The following SMLR1 variants were observed in gnomAD, a reference collection of about 807,000 sequenced individuals.
The protein encoded by SMLR1 is small leucine rich protein 1, also known as small leucine-rich protein 1.
In SMLR1, 3 loss-of-function variants were observed where a neutral mutation model predicts 6.1. That is an observed-to-expected ratio of 0.49 (90% CI 0.22 to 1.28). The LOEUF (loss-of-function observed/expected upper bound fraction) is 1.28. Among genes scored for constraint, SMLR1 ranks in the 50% most tolerant of loss-of-function variants. The probability of loss-of-function intolerance (pLI) is 0.19; values close to 1 mark genes in which losing one functional copy is unlikely to be tolerated. For synonymous variants in SMLR1, 55 were observed against 53.6 expected (o/e 1.03, Z -0.11); for missense variants, 126 against 124.8 (o/e 1.01, Z -0.05).
At position 130,835,767 on chromosome 6, in the gene SMLR1, G is replaced by T. The variant is rs1195876752; in HGVS notation, c.*812G>T. 6.6e-6 allele frequency: 1 copy of T among 152,122 alleles called. No individual in the cohort carries two copies. The highest frequency in any genetic ancestry group is 1.5e-5 in the Non-Finnish European group (1 of 68,018). The allele number at this position is 152,122 out of a possible 1,614,324, so 9.4% of individuals were successfully genotyped here. A position where few individuals can be genotyped will look rare whatever the true frequency, so the allele number is the denominator to read the frequency against. On this transcript the variant is annotated 3_prime_UTR_variant, in exon 2 of 2. Transcript: ENST00000541421. ...ATTTCACTACAGTTCTTTTTCAGTG[G>T]GAGCCCCAAAGAGACAACATAGGTA...
At chr6:130,827,708 G>A in intron 1 of SMLR1, 57 bp downstream of exon 1, 2 of 1,257,928 alleles carry the variant, frequency 1.6e-6, no homozygotes, top group Non-Finnish European at 2.2e-6. Context: ...AGCACATCTT[G>A]AAATATACCG....
chr6:130,836,165 A>C lies in SMLR1; in HGVS notation c.*1210A>C, dbSNP rs927898821. 6.6e-6 allele frequency: 1 copy of C among 152,234 alleles called. No homozygotes were observed. The highest frequency in any genetic ancestry group is 1.5e-5 in the Non-Finnish European group (1 of 68,026). 9.4% of individuals were successfully genotyped at this position (152,234 alleles called of 1,614,324 possible). On this transcript the variant is annotated 3_prime_UTR_variant, in exon 2 of 2. Transcript: ENST00000541421. ...TTTCCATTTGCACTTCTTGCATAAT[A>C]TAAAACTTATTGCTAGAATAAAGAC...
At position 130,835,989 on chromosome 6, in the gene SMLR1, G is replaced by A. The variant is rs551384274; in HGVS notation, c.*1034G>A. ...TAAAACATAATGAATGGGGTCACCT[G>A]TAAGAAATGCACCTGTTTCAGTAGT... On this transcript the variant is annotated 3_prime_UTR_variant, in exon 2 of 2. Transcript: ENST00000541421. The A allele has an allele frequency of 6.6e-6, 1 of 152,152 alleles. No individual in the cohort carries two copies. Among genetic ancestry groups the A allele is most frequent in the Admixed American group, 6.6e-5 (1 of 15,264 alleles). 9.4% of individuals were successfully genotyped at this position (152,152 alleles called of 1,614,324 possible). A position where few individuals can be genotyped will look rare whatever the true frequency, so the allele number is the denominator to read the frequency against.
chr6:130,831,588 G>A (rs964830913), intron 1 of SMLR1, among the ~76,000 whole-genome samples: 1 of 152,102 alleles, frequency 6.6e-6, no homozygotes, highest in South Asian at 2.1e-4. Flanking sequence ...CACTGGACTC[G>A]AAATAAAATA....
intron 1 of SMLR1, among the ~76,000 whole-genome samples, chr6:130,829,978 T>G (rs541579888): frequency 1.3e-4 from 20 of 152,342 alleles, no homozygotes; most frequent in Non-Finnish European, 2.8e-4. Flanking sequence ...TCTCATTCAT[T>G]TATTCAACGA....
intron 1 of SMLR1, among the ~76,000 whole-genome samples, chr6:130,832,138 A>G (rs553803279): frequency 2.6e-5 from 4 of 152,200 alleles, no homozygotes; most frequent in South Asian, 2.1e-4. Context: ...AGTTTTCATT[A>G]TCTTATTTCC....
At chr6:130,831,941 T>A (rs1390113231) in intron 1 of SMLR1, among the ~76,000 whole-genome samples, 3 of 152,154 alleles carry the variant, frequency 2.0e-5, no homozygotes, top group Non-Finnish European at 4.4e-5. Context: ...ATAAATTTAA[T>A]TAGTATGTAG....
At chr6:130,828,711 A>G (rs1165973227) in intron 1 of SMLR1, among the ~76,000 whole-genome samples, 1 of 152,204 alleles carries the variant, frequency 6.6e-6, no homozygotes, top group East Asian at 1.9e-4. Context: ...ATATGCCCCT[A>G]GCCTTTCATT....
intron 1 of SMLR1, among the ~76,000 whole-genome samples, chr6:130,828,294 T>A (rs1206705238): frequency 6.6e-6 from 1 of 152,218 alleles, no homozygotes; most frequent in East Asian, 1.9e-4. Flanking sequence ...GGATTGACAC[T>A]GTTTATTCTG....
At chr6:130,833,739 CA>C (rs1774543370) in intron 1 of SMLR1, among the ~76,000 whole-genome samples, 1 of 152,174 alleles carries the variant, frequency 6.6e-6, no homozygotes, top group Non-Finnish European at 1.5e-5. Flanking sequence ...GCACCTGGCA[CA>C]GAGCAAGTGC....
intron 1 of SMLR1, among the ~76,000 whole-genome samples, chr6:130,830,760 C>G (rs904214282): frequency 2.6e-5 from 4 of 152,142 alleles, no homozygotes; most frequent in African/African-American, 4.8e-5. Flanking sequence ...CCACCAAAAC[C>G]AAGATGGTGA....
intron 1 of SMLR1, among the ~76,000 whole-genome samples, chr6:130,829,169 TGCA>T (rs1429732979): frequency 3.3e-5 from 5 of 152,182 alleles, no homozygotes; most frequent in Non-Finnish European, 7.3e-5. Flanking sequence ...TTTCAAAAAC[TGCA>T]GCAAGTACAG....
chr6:130,834,748 G>A (rs1774593393), intron 1 of SMLR1, 122 bp from the exon 2 acceptor site: 2 of 716,766 alleles, frequency 2.8e-6, no homozygotes, highest in Non-Finnish European at 4.8e-6. Context: ...TGGAAGACCT[G>A]GACTTCTGTG....
intron 1 of SMLR1, among the ~76,000 whole-genome samples, chr6:130,833,702 G>T (rs1318177386): frequency 6.6e-6 from 1 of 152,118 alleles, no homozygotes; most frequent in Admixed American, 6.6e-5. Context: ...AGAATTGAAC[G>T]AGAAAGATTG....
chr6:130,827,442 G>A lies in SMLR1; in HGVS notation c.29G>A (p.Arg10Lys). ...CTGAGCAAAGGCCGGAGCCCCAGAA[G>A]AAAACAAGTACAGACTCAGAGGAAA... MLSKGRSPRRKQVQTQRKAA... is the reference protein window; with the variant it reads MLSKGRSPRKKQVQTQRKAA... The change falls in exon 1 of 2, where the codon AGA becomes AAA. Residue 10 changes from arginine to lysine, a missense_variant. Arg to Lys is a conservative substitution (Grantham distance 26). Transcript: ENST00000541421. 1 of 1,536,008 alleles carries A rather than the reference G, an allele frequency of 6.5e-7. No individual in the cohort carries two copies.
chr6:130,829,533 C>A (rs1350105363), intron 1 of SMLR1, among the ~76,000 whole-genome samples: 1 of 152,176 alleles, frequency 6.6e-6, no homozygotes, highest in African/African-American at 2.4e-5. Context: ...TGTGTGTACA[C>A]CTCTGTGATG....
At chr6:130,827,755 T>C (rs1774321071) in intron 1 of SMLR1, 104 bp downstream of exon 1, 1 of 780,846 alleles carries the variant, frequency 1.3e-6, no homozygotes, top group African/African-American at 1.8e-5. Flanking sequence ...GAGAAACATA[T>C]ATATATATAT....
intron 1 of SMLR1, among the ~76,000 whole-genome samples, chr6:130,828,494 T>G (rs1774346795): frequency 6.6e-6 from 1 of 152,192 alleles, no homozygotes; most frequent in Non-Finnish European, 1.5e-5. Context: ...TCTTTGAACA[T>G]CTGTTTATGT....
In SMLR1 at chr6:130,834,798, G is replaced by C; in HGVS notation, c.239-72G>C. 4 of 1,293,026 alleles carry C rather than the reference G, an allele frequency of 3.1e-6. No homozygotes were observed. The South Asian group carries it at 5.1e-5, about 17-fold the overall frequency. The allele number at this position is 1,293,026 out of a possible 1,614,324, so 80.1% of individuals were successfully genotyped here. ...CCAGTGTCAGATATGCTGGCCAACA[G>C]CCCTTATGAACTCTAAATGACCAAT... On this transcript the variant is annotated intron_variant, in intron 1 of 1. Coordinates refer to ENST00000541421, the MANE Select transcript of SMLR1 (RefSeq NM_001195597.2).
Sources: allele counts gnomAD v4.1 joint callset (sites outside exome capture counted in the v4.1 genomes callset), GRCh38; gene constraint gnomAD v4.1.1; transcripts MANE v1.5; gene names NCBI Gene and HGNC (gene_info 2026-07-23, HGNC 2026-07-21).